Variants in RASAL2 observed in about 807,000 individuals in gnomAD.
The protein encoded by RASAL2 is RAS protein activator like 2, also known as ras GTPase-activating protein nGAP.
In RASAL2, 58 loss-of-function variants were observed where a neutral mutation model predicts 128.9. The observed-to-expected ratio is 0.45, with a 90% CI of 0.36 to 0.56. The LOEUF (loss-of-function observed/expected upper bound fraction) is 0.56. Among genes scored for constraint, RASAL2 ranks in the 20% least tolerant of loss-of-function variants. The probability of loss-of-function intolerance (pLI) is 0.00; values close to 1 mark genes in which losing one functional copy is unlikely to be tolerated. For synonymous variants in RASAL2, 561 were observed against 580.8 expected, an observed-to-expected ratio of 0.97 and a Z score of 0.49; for missense variants, 1,360 against 1,601.6, an observed-to-expected ratio of 0.85 and a Z score of 2.57.
chr1:178,295,464 T>C (rs1306516257), intron 2 of RASAL2, among the ~76,000 whole-genome samples: 2 of 135,350 alleles, frequency 1.5e-5, no homozygotes, highest in Non-Finnish European at 1.5e-5. Flanking sequence ...GAGAACAGCA[T>C]TGGTTTTTTT....
intron 1 of RASAL2, among the ~76,000 whole-genome samples, chr1:178,133,519 G>C (rs1005832774): frequency 2.0e-5 from 3 of 150,556 alleles, no homozygotes; most frequent in African/African-American, 7.3e-5. Flanking sequence ...TTTGTTTTGC[G>C]GTAAGGAGTT....
intron 1 of RASAL2, among the ~76,000 whole-genome samples, chr1:178,177,473 C>G (rs1435137345): frequency 6.6e-6 from 1 of 152,004 alleles, no homozygotes; most frequent in Non-Finnish European, 1.5e-5. Context: ...GTTAAACAGA[C>G]AAATGCATAA....
At chr1:178,417,909 C>G (rs1234584857) in intron 4 of RASAL2, among the ~76,000 whole-genome samples, 2 of 152,094 alleles carry the variant, frequency 1.3e-5, no homozygotes, top group East Asian at 1.9e-4. Flanking sequence ...ACTCCTCGGC[C>G]TGGATCTCAA....
At chr1:178,320,147 C>T (rs1390552833) in intron 3 of RASAL2, among the ~76,000 whole-genome samples, 1 of 151,020 alleles carries the variant, frequency 6.6e-6, no homozygotes, top group Non-Finnish European at 1.5e-5. Context: ...GGCAGTCTGC[C>T]GGTTCTCAGA....
In RASAL2 at chr1:178,232,881, A is replaced by G. The variant is rs74128888; in HGVS notation, c.203-50683A>G. The stretch of plus-strand genomic sequence containing the variant: ...CTGTTTTTAACTCGCTATCATTTGC[A>G]TGGTGAACACTTAACTACTACTGGT... On this transcript the variant is annotated intron_variant, in intron 1 of 17. Coordinates refer to ENST00000367649, the MANE Select transcript of RASAL2 (RefSeq NM_170692.4). Among the ~76,000 whole-genome samples, 1,090 of 152,242 alleles carry G rather than the reference A, an allele frequency of 7.2e-3. 14 individuals carry two copies. The highest frequency in any genetic ancestry group is 0.024 in the African/African-American group (1,016 of 41,528).
chr1:178,095,325 C>G (rs1039125880), intron 1 of RASAL2, among the ~76,000 whole-genome samples: 2 of 152,212 alleles, frequency 1.3e-5, no homozygotes, highest in African/African-American at 4.8e-5. Flanking sequence ...CTTTCCCTTT[C>G]TGCATTCCTG....
intron 4 of RASAL2, among the ~76,000 whole-genome samples, chr1:178,396,560 A>G (rs1275972416): frequency 6.6e-6 from 1 of 152,138 alleles, no homozygotes; most frequent in South Asian, 2.1e-4. Context: ...AAAAATATAT[A>G]TATATATTTT....
At chr1:178,201,608 G>A (rs902667528) in intron 1 of RASAL2, among the ~76,000 whole-genome samples, 5 of 152,168 alleles carry the variant, frequency 3.3e-5, no homozygotes, top group Non-Finnish European at 7.4e-5. Context: ...ATTCCAGTGT[G>A]GCAGGGGCCA....
At chr1:178,142,365 T>G (rs1295297675) in intron 1 of RASAL2, among the ~76,000 whole-genome samples, 10 of 152,168 alleles carry the variant, frequency 6.6e-5, no homozygotes, top group African/African-American at 2.4e-4. Context: ...AAAAATTCCT[T>G]TCCCTCCTCT....
intron 1 of RASAL2, chr1:178,123,328 A>G (rs1170064206): frequency 6.6e-6 from 1 of 152,228 alleles, no homozygotes; most frequent in Non-Finnish European, 1.5e-5. Context: ...CAATTTATGA[A>G]TTGAATGAAT....
chr1:178,287,775 G>A (rs929497992), intron 2 of RASAL2, among the ~76,000 whole-genome samples: 6 of 152,140 alleles, frequency 3.9e-5, no homozygotes, highest in Non-Finnish European at 8.8e-5. Context: ...TGGGAGCTGA[G>A]CTATGAGGAT....
intron 5 of RASAL2, among the ~76,000 whole-genome samples, chr1:178,425,581 A>T (rs1485251797): frequency 6.6e-5 from 10 of 150,380 alleles, no homozygotes; most frequent in Admixed American, 2.0e-4. Context: ...AGGTAGAATT[A>T]TTTTTTTTTT....
chr1:178,216,374 T>C (rs2101994426), intron 1 of RASAL2, among the ~76,000 whole-genome samples: 1 of 152,352 alleles, frequency 6.6e-6, no homozygotes, highest in Admixed American at 6.5e-5. Flanking sequence ...CTATTCCACA[T>C]GCCTGTGTTT....
chr1:178,271,084 T>C (rs983484047), intron 1 of RASAL2, among the ~76,000 whole-genome samples: 15 of 152,216 alleles, frequency 9.9e-5, no homozygotes, highest in Admixed American at 8.5e-4. Flanking sequence ...GACATTTATC[T>C]ATATAATGGG....
chr1:178,244,584 G>A (rs898925364), intron 1 of RASAL2, among the ~76,000 whole-genome samples: 1 of 152,110 alleles, frequency 6.6e-6, no homozygotes, highest in African/African-American at 2.4e-5. Context: ...TGTACTTTAA[G>A]TTCTGGGATA....
chr1:178,291,689 G>T (rs952409265), intron 2 of RASAL2, among the ~76,000 whole-genome samples: 2 of 152,146 alleles, frequency 1.3e-5, no homozygotes, highest in Non-Finnish European at 2.9e-5. Context: ...AATTTCTTGT[G>T]TAGGAACCAG....
At chr1:178,151,405 AAAAAT>A (rs572183975) in intron 1 of RASAL2, among the ~76,000 whole-genome samples, 8 of 152,314 alleles carry the variant, frequency 5.3e-5, no homozygotes, top group South Asian at 4.1e-4. Flanking sequence ...ACTCTGTCTC[AAAAAT>A]AAAATAAAAT....
chr1:178,322,032 C>T (rs1321084101), intron 3 of RASAL2, among the ~76,000 whole-genome samples: 3 of 151,606 alleles, frequency 2.0e-5, no homozygotes, highest in African/African-American at 4.9e-5. Context: ...GGGGTCTCAC[C>T]GTGTTGCCCA....
intron 4 of RASAL2, among the ~76,000 whole-genome samples, chr1:178,395,789 A>T (rs997386529): frequency 2.5e-4 from 36 of 144,352 alleles, no homozygotes; most frequent in Admixed American, 1.1e-3. Context: ...ATATATATAT[A>T]TATTTATTTA....
Sources: allele counts gnomAD v4.1 joint callset (sites outside exome capture counted in the v4.1 genomes callset), GRCh38; gene constraint gnomAD v4.1.1; transcripts MANE v1.5; gene names NCBI Gene and HGNC (gene_info 2026-07-23, HGNC 2026-07-21).